The following DIAPH3 variants were observed in gnomAD, a reference collection of about 807,000 sequenced individuals.
DIAPH3 encodes the protein diaphanous related formin 3.
In DIAPH3, 117 loss-of-function variants were observed where a neutral mutation model predicts 144.3. The ratio of observed to expected loss-of-function variants is 0.81; its 90% CI spans 0.70 to 0.95. The LOEUF (loss-of-function observed/expected upper bound fraction) is 0.95, where lower values mean the gene tolerates loss of function less well. DIAPH3 is among the 40% of genes least tolerant of loss of function. The pLI, the probability that DIAPH3 is intolerant of heterozygous loss-of-function variation, is 0.00. For synonymous variants in DIAPH3, 519 were observed against 488.9 expected, an observed-to-expected ratio of 1.06 and a Z score of -0.81; for missense variants, 1,421 against 1,412.7, an observed-to-expected ratio of 1.01 and a Z score of -0.09.
At chr13:59,684,499 G>A (rs2033113899) in intron 27 of DIAPH3, among the ~76,000 whole-genome samples, 1 of 152,146 alleles carries the variant, frequency 6.6e-6, no homozygotes, top group African/African-American at 2.4e-5. Flanking sequence ...CTCTTCATCT[G>A]TTTAGACTTC....
intron 25 of DIAPH3, among the ~76,000 whole-genome samples, chr13:59,801,200 G>A (rs1232416748): frequency 6.6e-6 from 1 of 152,084 alleles, no homozygotes; most frequent in Non-Finnish European, 1.5e-5. Flanking sequence ...TTAGTTCTTG[G>A]CCTTTGAATT....
chr13:59,882,770 C>G (rs537078914), intron 20 of DIAPH3, among the ~76,000 whole-genome samples: 2 of 152,260 alleles, frequency 1.3e-5, no homozygotes, highest in East Asian at 3.9e-4. Flanking sequence ...TCCTTTAAAT[C>G]TATTGTTACA....
At chr13:59,838,615 G>A (rs2042165631) in intron 23 of DIAPH3, 1 of 152,074 alleles carries the variant, frequency 6.6e-6, no homozygotes, top group African/African-American at 2.4e-5. Context: ...CGTTTATGAA[G>A]TCTTGTATCT....
chr13:59,970,740 T>C (rs1336206380), intron 16 of DIAPH3, 112 bp downstream of exon 16: 1 of 965,722 alleles, frequency 1.0e-6, no homozygotes, highest in East Asian at 2.7e-5. Flanking sequence ...TATGTATATA[T>C]AAATTAAATT....
chr13:59,811,055 TAC>T (rs752079737), intron 24 of DIAPH3, 132 bp from the exon 25 acceptor site: 19 of 825,432 alleles, frequency 2.3e-5, no homozygotes, highest in African/African-American at 1.4e-4. Context: ...ATGTTAGTAA[TAC>T]AGTCTTCTAA....
intron 17 of DIAPH3, among the ~76,000 whole-genome samples, chr13:59,943,325 G>T (rs2048633043): frequency 6.6e-6 from 1 of 152,210 alleles, no homozygotes; most frequent in South Asian, 2.1e-4. Flanking sequence ...CCTAGTGGTA[G>T]ATTCAAGACA....
chr13:59,948,101 G>A (rs2048895128), intron 17 of DIAPH3, among the ~76,000 whole-genome samples: 2 of 152,144 alleles, frequency 1.3e-5, no homozygotes, highest in African/African-American at 4.8e-5. Context: ...TTTCAGATGA[G>A]AAAATTAAAG....
Position 59,839,405 on chromosome 13 carries a change from C to T in DIAPH3, c.2781G>A (p.Arg927=). 5 of 1,613,702 alleles carry T rather than the reference C, an allele frequency of 3.1e-6. No homozygotes were observed. The highest frequency in any genetic ancestry group is 4.2e-6 in the Non-Finnish European group (5 of 1,179,806). Residue 927 remains arginine (R), a synonymous_variant, in exon 23 of 28, where the codon AGG becomes AGA. Coordinates refer to ENST00000400324, the MANE Select transcript of DIAPH3 (RefSeq NM_001042517.2). The stretch of plus-strand genomic sequence containing the variant: ...ATTCCTTCTCAAGCTGTTGAAGCTG[C>T]CTTCCCATCTGCCTCAAATTCTTTT... ...TLEKNLRQMG[R]QLQQLEKELE...
Position 59,980,673 on chromosome 13 carries a change from T to A in DIAPH3, c.1545+122A>T, listed in dbSNP as rs563857925. The A allele has an allele frequency of 1.8e-5, 16 of 878,734 alleles. No homozygotes were observed. The African/African-American group carries it at 2.6e-4, about 15-fold the overall frequency. 54.4% of individuals were successfully genotyped at this position (878,734 alleles called of 1,614,324 possible). ...CAGTAGTCCTCCTTGGTGGAGGGCA[T>A]CTATGCACACACCTGAAGCAGATAA... is the stretch of plus-strand genomic sequence containing the variant. On this transcript the variant is annotated intron_variant, in intron 14 of 27. Coordinates refer to ENST00000400324, the MANE Select transcript of DIAPH3 (RefSeq NM_001042517.2).
chr13:60,066,184 T>C (rs537243014), intron 4 of DIAPH3, among the ~76,000 whole-genome samples: 25 of 152,260 alleles, frequency 1.6e-4, no homozygotes, highest in Admixed American at 1.2e-3. Flanking sequence ...TCAAATCTAG[T>C]AGTGGAAGTG....
intron 20 of DIAPH3, among the ~76,000 whole-genome samples, chr13:59,899,168 G>T (rs1237482694): frequency 6.6e-6 from 1 of 152,092 alleles, no homozygotes; most frequent in African/African-American, 2.4e-5. Context: ...TACTTTCGAG[G>T]CTTTGGGACT....
intron 18 of DIAPH3, 100 bp from the exon 19 acceptor site, chr13:59,916,349 A>G: frequency 1.1e-6 from 1 of 908,324 alleles, no homozygotes; most frequent in Non-Finnish European, 1.7e-6. Flanking sequence ...TTCATAAAAC[A>G]AGAGAATTCA....
In DIAPH3 at chr13:59,922,282, T is replaced by C. The variant is rs556312598; in HGVS notation, c.2170+2493A>G. ...TGCTTGCAGAAAACAACCTTAAATA[T>C]AAAAAATCATAAACAAATGAAACTT... On this transcript the variant is annotated intron_variant, in intron 18 of 27. Transcript: ENST00000400324. 7.9e-5 allele frequency among the ~76,000 whole-genome samples: 12 copies of C among 152,070 alleles called. No individual in the cohort carries two copies. The South Asian group carries it at 2.5e-3, about 32-fold the overall frequency.
At chr13:59,787,539 G>A (rs2039101158) in intron 25 of DIAPH3, among the ~76,000 whole-genome samples, 1 of 152,122 alleles carries the variant, frequency 6.6e-6, no homozygotes, top group South Asian at 2.1e-4. Flanking sequence ...AACATAGTGA[G>A]ACTTTGTTTC....
At chr13:59,925,595 C>T (rs1255400525) in intron 17 of DIAPH3, among the ~76,000 whole-genome samples, 1 of 152,014 alleles carries the variant, frequency 6.6e-6, no homozygotes. Context: ...ATTCTCTCCT[C>T]TTCATATTTT....
chr13:59,993,994 A>G (rs2052022072), intron 9 of DIAPH3, among the ~76,000 whole-genome samples: 1 of 151,928 alleles, frequency 6.6e-6, no homozygotes, highest in Non-Finnish European at 1.5e-5. Flanking sequence ...AAAACAAGGA[A>G]CACAAAAACT....
chr13:59,908,631 TC>T (rs2046852889), intron 20 of DIAPH3, among the ~76,000 whole-genome samples: 1 of 152,156 alleles, frequency 6.6e-6, no homozygotes. Context: ...ATCTACTGTC[TC>T]AAGTTAGGGT....
rs952928035 is a variant in DIAPH3, at chr13:59,980,813, T to C, written c.1527A>G (p.Ala509=). ...QAKLEEFEEK[A]SELYKKFEKE... is the part of the protein sequence containing the mutation. The stretch of plus-strand genomic sequence containing the variant: ...TACTTACTTTCTTGTAAAGTTCTGA[T>C]GCTTTCTCTTCAAACTCTTCTAGTT... The change falls in exon 14 of 28, where the codon GCA becomes GCG. Residue 509 remains alanine, a synonymous_variant. Coordinates refer to ENST00000400324, the MANE Select transcript of DIAPH3 (RefSeq NM_001042517.2). The C allele has an allele frequency of 3.1e-6, 5 of 1,609,600 alleles. No individual in the cohort carries two copies.
intron 4 of DIAPH3, among the ~76,000 whole-genome samples, chr13:60,063,795 G>A (rs1383392979): frequency 6.6e-6 from 1 of 152,016 alleles, no homozygotes; most frequent in Non-Finnish European, 1.5e-5. Flanking sequence ...CAGGCATGGT[G>A]GCACGCACCT....
Sources: allele counts gnomAD v4.1 joint callset (sites outside exome capture counted in the v4.1 genomes callset), GRCh38; gene constraint gnomAD v4.1.1; transcripts MANE v1.5; gene names NCBI Gene and HGNC (gene_info 2026-07-23, HGNC 2026-07-21).